The following AHCYL2 variants were observed in gnomAD, a reference collection of about 807,000 sequenced individuals.
The protein encoded by AHCYL2 is adenosylhomocysteinase like 2.
In AHCYL2, 28 loss-of-function variants were observed where a neutral mutation model predicts 81.4. The ratio of observed to expected loss-of-function variants is 0.34; its 90% CI spans 0.25 to 0.47. The LOEUF (loss-of-function observed/expected upper bound fraction) is 0.47. AHCYL2 is among the 20% of genes least tolerant of loss of function. The probability of loss-of-function intolerance (pLI) is 1.00; values close to 1 mark genes in which losing one functional copy is unlikely to be tolerated. For missense variants in AHCYL2, 551 were observed against 785.1 expected (o/e 0.70, Z 3.56); for synonymous variants, 272 against 290.2 (o/e 0.94, Z 0.64).
At chr7:129,353,618 G>T (rs1337322942) in intron 1 of AHCYL2, among the ~76,000 whole-genome samples, 1 of 149,372 alleles carries the variant, frequency 6.7e-6, no homozygotes, top group East Asian at 2.0e-4. Context: ...AATTTTAGAT[G>T]TGTTAAGATG....
intron 1 of AHCYL2, among the ~76,000 whole-genome samples, chr7:129,360,984 C>CT: frequency 6.6e-6 from 1 of 152,274 alleles, no homozygotes; most frequent in South Asian, 2.1e-4. Context: ...TAAACTTTTA[C>CT]TTTTCAAAGT....
chr7:129,375,018 C>G (rs796252310), intron 1 of AHCYL2, among the ~76,000 whole-genome samples: 31 of 152,078 alleles, frequency 2.0e-4, no homozygotes, highest in African/African-American at 7.5e-4. Context: ...GAATATTTGG[C>G]ACGTAGTAAG....
intron 1 of AHCYL2, among the ~76,000 whole-genome samples, chr7:129,286,490 C>T (rs1796634556): frequency 6.6e-6 from 1 of 150,476 alleles, no homozygotes; most frequent in Non-Finnish European, 1.5e-5. Context: ...GACAGGGTTT[C>T]ACTCTCATCA....
chr7:129,244,500 A>G (rs1179556883), intron 1 of AHCYL2, among the ~76,000 whole-genome samples: 4 of 152,198 alleles, frequency 2.6e-5, no homozygotes, highest in African/African-American at 9.7e-5. Context: ...GGAGTCTGAG[A>G]TCAGACTGGT....
At chr7:129,234,227 G>A (rs2694583) in intron 1 of AHCYL2, among the ~76,000 whole-genome samples, 142,822 of 152,056 alleles carry the variant, frequency 0.94, 67,712 homozygotes, top group East Asian at 1. Context: ...ATTTTTTTAT[G>A]ACTTTCTTGT....
At chr7:129,389,918 G>C (rs1795386208) in intron 4 of AHCYL2, among the ~76,000 whole-genome samples, 184 bp downstream of exon 4, 2 of 152,178 alleles carry the variant, frequency 1.3e-5, no homozygotes, top group African/African-American at 4.8e-5. Flanking sequence ...CTGAGGCTCA[G>C]AGGGCTTAAG....
intron 2 of AHCYL2, among the ~76,000 whole-genome samples, chr7:129,385,580 A>G (rs1336585030): frequency 1.3e-5 from 2 of 152,256 alleles, no homozygotes; most frequent in African/African-American, 4.8e-5. Context: ...CTACTTTTCT[A>G]CGTAGAAACT....
At chr7:129,391,053 T>A (rs746407964) in intron 4 of AHCYL2, among the ~76,000 whole-genome samples, 3 of 152,218 alleles carry the variant, frequency 2.0e-5, no homozygotes, top group Admixed American at 1.3e-4. Flanking sequence ...ATAATGTGTA[T>A]TTCAATATGT....
intron 1 of AHCYL2, among the ~76,000 whole-genome samples, chr7:129,269,961 A>G (rs1004685263): frequency 6.6e-5 from 10 of 152,062 alleles, no homozygotes; most frequent in African/African-American, 1.9e-4. Flanking sequence ...TTTTGCTCCT[A>G]TCTACTACTC....
intron 1 of AHCYL2, among the ~76,000 whole-genome samples, chr7:129,364,978 A>C (rs749541135): frequency 6.6e-6 from 1 of 152,244 alleles, no homozygotes; most frequent in Non-Finnish European, 1.5e-5. Context: ...TGAGTATGCA[A>C]GTTGCCCCCA....
chr7:129,409,352 A>G (rs1365876696), intron 10 of AHCYL2, 124 bp from the exon 11 acceptor site: 4 of 642,942 alleles, frequency 6.2e-6, no homozygotes, highest in Non-Finnish European at 1.1e-5. Flanking sequence ...TGGATTTTTC[A>G]CTTCTAAGAA....
chr7:129,314,435 A>G (rs192949046), intron 1 of AHCYL2, among the ~76,000 whole-genome samples: 4 of 152,322 alleles, frequency 2.6e-5, no homozygotes, highest in African/African-American at 9.6e-5. Flanking sequence ...ACAAACTACC[A>G]TAGACTGGGT....
At chr7:129,243,863 G>A (rs1794953175) in intron 1 of AHCYL2, among the ~76,000 whole-genome samples, 1 of 152,166 alleles carries the variant, frequency 6.6e-6, no homozygotes, top group Admixed American at 6.5e-5. Context: ...AAAGTGCTGG[G>A]ATTACAGGCA....
intron 1 of AHCYL2, among the ~76,000 whole-genome samples, chr7:129,252,805 ATGAT>A (rs745458464): frequency 1.7e-4 from 26 of 152,018 alleles, no homozygotes; most frequent in Middle Eastern, 3.4e-3. Context: ...AGGTAGATAG[ATGAT>A]TGATTGATTG....
intron 13 of AHCYL2, among the ~76,000 whole-genome samples, chr7:129,424,489 G>C (rs770927403): frequency 2.6e-5 from 4 of 152,082 alleles, no homozygotes; most frequent in Non-Finnish European, 5.9e-5. Flanking sequence ...ATTGTCCCTG[G>C]ATTTGACTGA....
chr7:129,386,108 A>T (rs1795189185), intron 2 of AHCYL2, among the ~76,000 whole-genome samples: 2 of 152,334 alleles, frequency 1.3e-5, no homozygotes, highest in South Asian at 4.1e-4. Flanking sequence ...TCGTATCCAC[A>T]TAGTAGTACA....
intron 1 of AHCYL2, among the ~76,000 whole-genome samples, chr7:129,344,313 T>A (rs1360423465): frequency 6.6e-6 from 1 of 152,212 alleles, no homozygotes; most frequent in Non-Finnish European, 1.5e-5. Flanking sequence ...GACAGTTTGA[T>A]TCATAATGGC....
At chr7:129,303,277 G>A (rs1222948740) in intron 1 of AHCYL2, among the ~76,000 whole-genome samples, 4 of 152,224 alleles carry the variant, frequency 2.6e-5, no homozygotes, top group African/African-American at 4.8e-5. Flanking sequence ...GGGATTACAG[G>A]CATAAGCCAC....
intron 12 of AHCYL2, among the ~76,000 whole-genome samples, chr7:129,417,742 A>G (rs1796926154): frequency 6.6e-6 from 1 of 152,236 alleles, no homozygotes; most frequent in Non-Finnish European, 1.5e-5. Flanking sequence ...TCAACTAGTA[A>G]TTGAAACCGA....
Sources: allele counts gnomAD v4.1 joint callset (sites outside exome capture counted in the v4.1 genomes callset), GRCh38; gene constraint gnomAD v4.1.1; transcripts MANE v1.5; gene names NCBI Gene and HGNC (gene_info 2026-07-23, HGNC 2026-07-21).